ZHX2: variants seen among roughly 807,000 people sequenced by gnomAD.
ZHX2 encodes zinc fingers and homeoboxes 2.
A neutral mutation model predicts 21.9 loss-of-function variants in ZHX2; 6 were observed. The observed-to-expected ratio is 0.27, with a 90% CI of 0.15 to 0.54. ZHX2 has a LOEUF of 0.54. ZHX2 is among the 20% of genes least tolerant of loss of function. The pLI is 0.95. For synonymous variants in ZHX2, 434 were observed against 437.1 expected, an observed-to-expected ratio of 0.99 and a Z score of 0.09; for missense variants, 908 against 1,090.7, an observed-to-expected ratio of 0.83 and a Z score of 2.36.
chr8:122,972,293 A>G (rs931371716), intron 3 of ZHX2, among the ~76,000 whole-genome samples: 4 of 152,178 alleles, frequency 2.6e-5, no homozygotes, highest in African/African-American at 9.7e-5. Flanking sequence ...GGACTTCAAT[A>G]TATACTTTTG....
intron 2 of ZHX2, among the ~76,000 whole-genome samples, chr8:122,890,219 T>C (rs911194847): frequency 6.6e-6 from 1 of 152,172 alleles, no homozygotes; most frequent in Non-Finnish European, 1.5e-5. Context: ...GAGACTATCA[T>C]TTTCCTGATG....
chr8:122,954,856 T>A (rs557394358), intron 3 of ZHX2, among the ~76,000 whole-genome samples: 12 of 150,172 alleles, frequency 8.0e-5, no homozygotes, highest in African/African-American at 2.9e-4. Flanking sequence ...TTTTTTTTTT[T>A]CCCCCCTTTT....
intron 2 of ZHX2, among the ~76,000 whole-genome samples, chr8:122,923,647 T>G: frequency 6.6e-6 from 1 of 152,218 alleles, no homozygotes; most frequent in East Asian, 1.9e-4. Flanking sequence ...CACACCCACC[T>G]GCCTGCTGGT....
rs866225475 is a variant in ZHX2, at chr8:122,962,452, A to G, written c.*4+8424A>G. ...CATCCAGGTTGCTGTGAATGCCATT[A>G]TTTCATTCCTTTTTATGGCTGAGTA... On this transcript the variant is annotated intron_variant, in intron 3 of 3. Coordinates refer to ENST00000314393, the MANE Select transcript of ZHX2 (RefSeq NM_014943.5). Among the ~76,000 whole-genome samples the G allele has an allele frequency of 5.9e-5, 9 of 152,268 alleles. 1 individual carries two copies. Among genetic ancestry groups the G allele is most frequent in the Middle Eastern group, 3.4e-3 (1 of 294 alleles).
chr8:122,937,093 G>A (rs1049249225), intron 2 of ZHX2, among the ~76,000 whole-genome samples: 10 of 152,264 alleles, frequency 6.6e-5, no homozygotes, highest in African/African-American at 2.4e-4. Flanking sequence ...GAGGAAAAGG[G>A]CACTAGGTAG....
At chr8:122,962,669 G>A (rs1388398605) in intron 3 of ZHX2, among the ~76,000 whole-genome samples, 19 of 152,146 alleles carry the variant, frequency 1.2e-4, no homozygotes, top group Non-Finnish European at 1.0e-4. Flanking sequence ...TCAAATGGTA[G>A]TTCTACTTTT....
intron 3 of ZHX2, 110 bp downstream of exon 3, chr8:122,954,138 C>A (rs1455686838): frequency 2.0e-6 from 2 of 978,038 alleles, no homozygotes; most frequent in East Asian, 2.7e-5. Context: ...CAGATGGTGG[C>A]GTCTTTTTCT....
chr8:122,896,702 A>G (rs1452336970), intron 2 of ZHX2, among the ~76,000 whole-genome samples: 1 of 152,178 alleles, frequency 6.6e-6, no homozygotes, highest in Non-Finnish European at 1.5e-5. Flanking sequence ...TCACATAGCC[A>G]CCTGTCTGGC....
intron 2 of ZHX2, among the ~76,000 whole-genome samples, chr8:122,909,896 T>C (rs1177779966): frequency 6.6e-6 from 1 of 152,192 alleles, no homozygotes; most frequent in East Asian, 1.9e-4. Context: ...CCTGCCTTCA[T>C]TGGCTGCCCC....
chr8:122,844,257 A>G (rs1038195017), intron 1 of ZHX2, among the ~76,000 whole-genome samples: 3 of 152,208 alleles, frequency 2.0e-5, no homozygotes, highest in African/African-American at 7.2e-5. Context: ...GAAAGGGTAG[A>G]CACATAGGTC....
intron 1 of ZHX2, among the ~76,000 whole-genome samples, chr8:122,793,682 G>A (rs1817565764): frequency 6.6e-6 from 1 of 152,238 alleles, no homozygotes. Flanking sequence ...AATAACAGAT[G>A]TGTTGGTTAC....
At position 122,952,699 on chromosome 8, in the gene ZHX2, G is replaced by A. The variant is rs542948205; in HGVS notation, c.1189G>A (p.Val397Met). 108 of 1,614,052 alleles carry A rather than the reference G, an allele frequency of 6.7e-5. No individual in the cohort carries two copies. Among genetic ancestry groups the A allele is most frequent in the Middle Eastern group, 1.6e-4 (1 of 6,062 alleles). Reference protein sequence around the residue: ...TVSCSPITLAVAGVTNHGQKR... With the variant: ...TVSCSPITLAMAGVTNHGQKR... ...CTCTTGCTCCCCCATCACACTTGCC[G>A]TGGCAGGAGTCACCAACCATGGCCA... The change falls in exon 3 of 4, where the codon GTG becomes ATG. Residue 397 changes from valine (V) to methionine (M), a missense_variant. By Grantham distance (21) the Val-to-Met change is conservative. This residue lies in a region of ZHX2 where 232 missense variants were observed against 361.8 expected (regional missense o/e 0.64). Coordinates refer to ENST00000314393, the MANE Select transcript of ZHX2 (RefSeq NM_014943.5). This position sits in a 1 kb window ranked among gnomAD's most constrained non-coding sequence, Gnocchi z 6.9.
chr8:122,798,520 C>T (rs778792827), intron 1 of ZHX2, among the ~76,000 whole-genome samples: 7 of 152,172 alleles, frequency 4.6e-5, no homozygotes, highest in Non-Finnish European at 8.8e-5. Context: ...CGGCTGAGCA[C>T]GGTGGCTCAC....
At chr8:122,972,201 G>A (rs1274840520) in intron 3 of ZHX2, among the ~76,000 whole-genome samples, 1 of 152,058 alleles carries the variant, frequency 6.6e-6, no homozygotes, top group African/African-American at 2.4e-5. Context: ...CCACCCTGAT[G>A]GCCTCATTCT....
intron 2 of ZHX2, among the ~76,000 whole-genome samples, chr8:122,947,624 G>A (rs1813010391): frequency 6.6e-6 from 1 of 152,134 alleles, no homozygotes; most frequent in Non-Finnish European, 1.5e-5. Flanking sequence ...AGCCACGCAG[G>A]GTGAGGAAAT....
intron 1 of ZHX2, among the ~76,000 whole-genome samples, chr8:122,857,729 G>T (rs1819061062): frequency 6.6e-6 from 1 of 152,212 alleles, no homozygotes; most frequent in Admixed American, 6.5e-5. Flanking sequence ...AAACCTCCAT[G>T]TTGAACTTTC....
intron 1 of ZHX2, among the ~76,000 whole-genome samples, chr8:122,826,513 A>G (rs1435752055): frequency 6.6e-6 from 1 of 152,198 alleles, no homozygotes; most frequent in African/African-American, 2.4e-5. Context: ...ATTTATACCA[A>G]TTAGAATCTT....
intron 2 of ZHX2, among the ~76,000 whole-genome samples, chr8:122,903,212 T>C (rs1286815007): frequency 2.0e-5 from 3 of 152,274 alleles, no homozygotes; most frequent in Non-Finnish European, 2.9e-5. Context: ...AAGATAACTT[T>C]GCCCATAGCT....
intron 3 of ZHX2, among the ~76,000 whole-genome samples, chr8:122,956,184 G>A (rs1419369857): frequency 2.6e-5 from 4 of 152,038 alleles, no homozygotes; most frequent in Non-Finnish European, 4.4e-5. Context: ...TCCATGACAC[G>A]TGTCTACATG....
Sources: allele counts gnomAD v4.1 joint callset (sites outside exome capture counted in the v4.1 genomes callset), GRCh38; gene constraint gnomAD v4.1.1; regional missense constraint gnomAD v4.1.1; non-coding constraint Gnocchi (gnomAD v3.1); transcripts MANE v1.5; gene names NCBI Gene and HGNC (gene_info 2026-07-23, HGNC 2026-07-21).